KIF21A: variants seen among roughly 807,000 people sequenced by gnomAD.
The protein encoded by KIF21A is kinesin family member 21A, also known as kinesin-like protein KIF21A.
KIF21A carries 114 observed loss-of-function variants against 202.9 expected under a neutral mutation model. The observed-to-expected ratio is 0.56, with a 90% CI of 0.48 to 0.66. The LOEUF (loss-of-function observed/expected upper bound fraction) is 0.66, where lower values mean the gene tolerates loss of function less well. KIF21A is among the 30% of genes least tolerant of loss of function. The probability of loss-of-function intolerance (pLI) is 0.00; values close to 1 mark genes in which losing one functional copy is unlikely to be tolerated. For synonymous variants in KIF21A, 667 were observed against 670.8 expected, an observed-to-expected ratio of 0.99 and a Z score of 0.09; for missense variants, 1,677 against 1,994.9, an observed-to-expected ratio of 0.84 and a Z score of 3.04.
At position 39,315,167 on chromosome 12, in the gene KIF21A, A is replaced by C; in HGVS notation, c.3959+62T>G. The C allele has an allele frequency of 2.0e-6, 3 of 1,490,654 alleles. No homozygotes were observed. The South Asian group carries it at 3.4e-5, about 17-fold the overall frequency. The allele number at this position is 1,490,654 out of a possible 1,614,324, so 92.3% of individuals were successfully genotyped here. On this transcript the variant is annotated intron_variant, in intron 31 of 37. Coordinates refer to ENST00000361418, the MANE Select transcript of KIF21A (RefSeq NM_001173464.2). ...ATAAACACTTATTTTTGTTCCATGC[A>C]AACCTGTAAGGTCTTTTGATACTGG...
chr12:39,331,501 C>T (rs532004333), intron 22 of KIF21A, among the ~76,000 whole-genome samples, 189 bp downstream of exon 22: 64 of 152,256 alleles, frequency 4.2e-4, no homozygotes, highest in African/African-American at 1.5e-3. Context: ...TAATGGATAA[C>T]ATGCTAATGA....
intron 10 of KIF21A, among the ~76,000 whole-genome samples, chr12:39,356,280 G>C (rs999341693): frequency 1.3e-5 from 2 of 152,138 alleles, no homozygotes; most frequent in African/African-American, 4.8e-5. Context: ...CCTAGAGTGT[G>C]AACTCTTCAT....
chr12:39,337,417 CT>C (rs1027042287), intron 16 of KIF21A: 2 of 522,876 alleles, frequency 3.8e-6, no homozygotes, highest in East Asian at 3.4e-5. Context: ...GTATTCTATG[CT>C]TTTTGTATTC....
intron 10 of KIF21A, among the ~76,000 whole-genome samples, chr12:39,353,543 A>G (rs1265432865): frequency 3.9e-5 from 6 of 152,184 alleles, no homozygotes; most frequent in Admixed American, 3.3e-4. Context: ...ATACTTTTCT[A>G]TATTTTTAAT....
intron 8 of KIF21A, 37 bp downstream of exon 8, chr12:39,358,141 T>A: frequency 1.9e-6 from 3 of 1,565,596 alleles, no homozygotes; most frequent in Non-Finnish European, 2.6e-6. Flanking sequence ...CAGCCTTAGA[T>A]GTATCACAAA....
intron 27 of KIF21A, chr12:39,322,364 T>C: frequency 4.2e-6 from 1 of 239,200 alleles, no homozygotes. Context: ...GGTATAACTT[T>C]AATTTAGGTA....
At chr12:39,295,231 G>T (rs1262172639) in intron 37 of KIF21A, among the ~76,000 whole-genome samples, 1 of 152,186 alleles carries the variant, frequency 6.6e-6, no homozygotes, top group African/African-American at 2.4e-5. Flanking sequence ...TTTATAAAAA[G>T]GGAAGAAATA....
At chr12:39,346,947 C>T (rs552627423) in intron 11 of KIF21A, among the ~76,000 whole-genome samples, 1 of 151,708 alleles carries the variant, frequency 6.6e-6, no homozygotes, top group South Asian at 2.1e-4. Flanking sequence ...AAAGTAATGC[C>T]TTTATACCAT....
intron 11 of KIF21A, among the ~76,000 whole-genome samples, chr12:39,347,018 T>C (rs1262662057): frequency 6.6e-6 from 1 of 151,870 alleles, no homozygotes; most frequent in Non-Finnish European, 1.5e-5. Context: ...ATACTTTCTG[T>C]TTTAATATAC....
At chr12:39,395,650 T>C (rs1159830656) in intron 1 of KIF21A, among the ~76,000 whole-genome samples, 1 of 152,014 alleles carries the variant, frequency 6.6e-6, no homozygotes, top group African/African-American at 2.4e-5. Context: ...GAGACTAGCC[T>C]GGCCAACATG....
At chr12:39,370,368 T>A (rs958311350) in intron 1 of KIF21A, 107 bp from the exon 2 acceptor site, 19 of 743,788 alleles carry the variant, frequency 2.6e-5, no homozygotes, top group Non-Finnish European at 4.2e-5. Context: ...AAAACTCATG[T>A]AATTACCTAA....
intron 17 of KIF21A, 129 bp downstream of exon 17, chr12:39,336,967 T>C (rs1947029287): frequency 1.5e-6 from 1 of 681,290 alleles, no homozygotes; most frequent in African/African-American, 1.8e-5. Flanking sequence ...TTTTATAAAG[T>C]GTATGCTTAT....
At chr12:39,416,572 G>A (rs1258897338) in intron 1 of KIF21A, among the ~76,000 whole-genome samples, 1 of 147,632 alleles carries the variant, frequency 6.8e-6, no homozygotes, top group Non-Finnish European at 1.5e-5. Context: ...CTCCAGCCTG[G>A]GTGACAGAGT....
chr12:39,356,956 G>GAAAA, intron 9 of KIF21A, 61 bp from the exon 10 acceptor site: 1 of 801,550 alleles, frequency 1.2e-6, no homozygotes, highest in South Asian at 1.5e-5. Flanking sequence ...CAAAACAGGA[G>GAAAA]AAAAAAAAAG....
intron 17 of KIF21A, among the ~76,000 whole-genome samples, chr12:39,333,706 G>A (rs1353569979): frequency 1.3e-5 from 2 of 152,034 alleles, no homozygotes; most frequent in Non-Finnish European, 2.9e-5. Context: ...ATAAACTGTT[G>A]TAGACATAGG....
intron 1 of KIF21A, among the ~76,000 whole-genome samples, chr12:39,391,844 A>G (rs926232594): frequency 1.3e-5 from 2 of 151,656 alleles, no homozygotes; most frequent in Non-Finnish European, 2.9e-5. Flanking sequence ...GGTTCAAGCA[A>G]TTTTCTGCCC....
At chr12:39,350,203 T>A (rs1454681120) in intron 11 of KIF21A, among the ~76,000 whole-genome samples, 3 of 151,996 alleles carry the variant, frequency 2.0e-5, no homozygotes, top group Admixed American at 2.0e-4. Context: ...ATCTATTATT[T>A]TTATTGTAAT....
intron 1 of KIF21A, among the ~76,000 whole-genome samples, chr12:39,404,548 T>C (rs887424247): frequency 2.0e-5 from 3 of 152,154 alleles, no homozygotes; most frequent in African/African-American, 7.2e-5. Context: ...CCACAAGCAG[T>C]TGAGAAATAT....
chr12:39,403,423 C>G (rs1952332445), intron 1 of KIF21A, among the ~76,000 whole-genome samples: 4 of 152,110 alleles, frequency 2.6e-5, no homozygotes, highest in African/African-American at 7.2e-5. Context: ...ACATATACAC[C>G]TACATATTTA....
Sources: gnomAD v4.1 joint callset for allele counts (sites outside exome capture counted in the v4.1 genomes callset) on GRCh38, gnomAD v4.1.1 for gene constraint, MANE v1.5 for transcripts, NCBI Gene and HGNC (gene_info 2026-07-23, HGNC 2026-07-21) for gene names.